Variants in ENOPH1 observed in about 807,000 individuals in gnomAD.
ENOPH1 encodes enolase-phosphatase 1, also known as enolase-phosphatase E1.
A neutral mutation model predicts 31.1 loss-of-function variants in ENOPH1; 14 were observed. The observed-to-expected ratio is 0.45, with a 90% CI of 0.30 to 0.70. The LOEUF is 0.70. Among genes scored for constraint, ENOPH1 ranks in the 30% least tolerant of loss-of-function variants. The probability of loss-of-function intolerance (pLI) is 0.09; values close to 1 mark genes in which losing one functional copy is unlikely to be tolerated. For synonymous variants in ENOPH1, 127 were observed against 123.2 expected, an observed-to-expected ratio of 1.03 and a Z score of -0.21; for missense variants, 243 against 321.5, an observed-to-expected ratio of 0.76 and a Z score of 1.87.
At position 82,436,847 on chromosome 4, in the gene ENOPH1, T is replaced by G. The variant is rs143459687; in HGVS notation, c.84+5934T>G. Reference sequence around the variant, plus strand: ...CTCACCCAGCCACCTGTTAGTTCCCTAAAGCTGGGACTGTCATGTTCATCC... The same window carrying G: ...CTCACCCAGCCACCTGTTAGTTCCCGAAAGCTGGGACTGTCATGTTCATCC... On this transcript the variant is annotated intron_variant, in intron 1 of 5. Coordinates refer to ENST00000273920, the MANE Select transcript of ENOPH1 (RefSeq NM_021204.5). Among the ~76,000 whole-genome samples the G allele has an allele frequency of 2.2e-4, 34 of 152,296 alleles. No homozygotes were observed. The East Asian group carries it at 6.4e-3, about 28-fold the overall frequency.
intron 3 of ENOPH1, among the ~76,000 whole-genome samples, chr4:82,453,540 A>G (rs1036682212): frequency 2.0e-5 from 3 of 152,198 alleles, no homozygotes; most frequent in South Asian, 4.1e-4. Context: ...CATGAGTGCA[A>G]ACTAGTACTC....
At chr4:82,454,575 G>T in intron 3 of ENOPH1, 147 bp from the exon 4 acceptor site, 1 of 752,590 alleles carries the variant, frequency 1.3e-6, no homozygotes, top group Non-Finnish European at 2.1e-6. Flanking sequence ...ATGTTTATTA[G>T]AACTGCAGGA....
chr4:82,447,961 T>C lies in ENOPH1; in HGVS notation c.126T>C (p.Tyr42=). 6.2e-7 allele frequency: 1 copy of C among 1,613,340 alleles called. No homozygotes were observed. Among genetic ancestry groups the C allele is most frequent in the Non-Finnish European group, 8.5e-7 (1 of 1,179,512 alleles). ...ACATCGAAGAAAATGTTAAAGAGTA[T>C]CTGCAGACACATTGGGAAGAAGAGG... ...FPYIEENVKE[Y]LQTHWEEEEC... The change falls in exon 2 of 6, where the codon TAT becomes TAC. Residue 42 remains tyrosine (Y), a synonymous_variant. Transcript: ENST00000273920.
intron 1 of ENOPH1, among the ~76,000 whole-genome samples, chr4:82,438,439 A>C (rs1721962738): frequency 6.6e-6 from 1 of 152,206 alleles, no homozygotes; most frequent in Non-Finnish European, 1.5e-5. Flanking sequence ...AGATTACTTG[A>C]GTCCAGGAGT....
rs530811489 is a variant in ENOPH1, at chr4:82,442,871, C to T, written c.85-5049C>T. 5.9e-5 allele frequency among the ~76,000 whole-genome samples: 9 copies of T among 152,340 alleles called. No individual in the cohort carries two copies. The East Asian group carries it at 1.7e-3, about 30-fold the overall frequency. On this transcript the variant is annotated intron_variant, in intron 1 of 5. Transcript: ENST00000273920. ...ACAGAGTCCTGCTCTATCGCCCAGG[C>T]TGGCGTGCAGTGGCGTGATCTTGGC...
In ENOPH1 at chr4:82,430,598, CTCCTGCCCCG is replaced by C. The variant is rs1221080180; in HGVS notation, c.-225_-216del. 1.9e-6 allele frequency: 1 copy of C among 519,736 alleles called. No individual in the cohort carries two copies. Among genetic ancestry groups the C allele is most frequent in the Non-Finnish European group, 3.4e-6 (1 of 291,492 alleles). 32.2% of individuals were successfully genotyped at this position (519,736 alleles called of 1,614,324 possible). A position where few individuals can be genotyped will look rare whatever the true frequency, so the allele number is the denominator to read the frequency against. On this transcript the variant is annotated 5_prime_UTR_variant, in exon 1 of 6. Transcript: ENST00000273920. The stretch of plus-strand genomic sequence containing the variant: ...CTTTTCCTGCCCACGTGGTCTCGGG[CTCCTGCCCCG>C]TCCTGCTCACGAGTTCAGGGCTCCT...
chr4:82,430,860 A>T lies in ENOPH1; in HGVS notation c.31A>T (p.Thr11Ser). 1 of 1,614,204 alleles carries T rather than the reference A, an allele frequency of 6.2e-7. No individual in the cohort carries two copies. Among genetic ancestry groups the T allele is most frequent in the South Asian group, 1.1e-5 (1 of 91,086 alleles). The change falls in exon 1 of 6, where the codon ACC becomes TCC. Residue 11 changes from threonine to serine, a missense_variant. Thr to Ser is a moderately conservative substitution (Grantham distance 58). Coordinates refer to ENST00000273920, the MANE Select transcript of ENOPH1 (RefSeq NM_021204.5). The part of the protein sequence containing the change: MVVLSVPAEV[T>S]VILLDIEGTT... ...CGTGCTTTCGGTCCCCGCCGAAGTC[A>T]CCGTGATCCTGTTAGATATCGAAGG...
At chr4:82,452,638 G>T (rs1722379395) in intron 3 of ENOPH1, among the ~76,000 whole-genome samples, 1 of 152,114 alleles carries the variant, frequency 6.6e-6, no homozygotes. Context: ...CCAGGATGGA[G>T]TGCATTCACA....
chr4:82,438,712 C>G (rs1231960245), intron 1 of ENOPH1, among the ~76,000 whole-genome samples: 1 of 152,104 alleles, frequency 6.6e-6, no homozygotes, highest in Admixed American at 6.6e-5. Context: ...GCTATAACCC[C>G]TATATTTTAA....
At position 82,460,113 on chromosome 4, in the gene ENOPH1, C is replaced by A. The variant is rs768219181; in HGVS notation, c.779C>A (p.Ser260Ter). The change falls in exon 6 of 6, where the codon TCA becomes TAA. Residue 260 changes from serine to a stop codon, truncating the protein, a stop_gained. Transcript: ENST00000273920. LOFTEE classifies it high-confidence loss of function. Reference sequence around the variant, plus strand: ...TTCAGTGAACTATACCTGCCTTCCTCAACCTAGAGAAGGGTTGTTAAGGCA... The same window carrying A: ...TTCAGTGAACTATACCTGCCTTCCTAAACCTAGAGAAGGGTTGTTAAGGCA... Reference protein sequence around the residue: ...TSFSELYLPSST With the variant: ...TSFSELYLPS 1 of 1,614,212 alleles carries A rather than the reference C, an allele frequency of 6.2e-7. No homozygotes were observed. The highest frequency in any genetic ancestry group is 2.2e-5 in the East Asian group (1 of 44,884).
intron 3 of ENOPH1, among the ~76,000 whole-genome samples, chr4:82,453,739 G>A (rs1722412663): frequency 6.6e-6 from 1 of 152,162 alleles, no homozygotes; most frequent in African/African-American, 2.4e-5. Flanking sequence ...TTTCTCCTGT[G>A]ATGTTAATTT....
intron 1 of ENOPH1, among the ~76,000 whole-genome samples, chr4:82,442,634 T>C (rs1469693270): frequency 6.6e-6 from 1 of 152,208 alleles, no homozygotes; most frequent in Non-Finnish European, 1.5e-5. Context: ...AAAAGAGATA[T>C]GCAAAAAAGT....
At chr4:82,458,148 G>C (rs992731924) in intron 5 of ENOPH1, among the ~76,000 whole-genome samples, 4 of 152,128 alleles carry the variant, frequency 2.6e-5, no homozygotes, top group African/African-American at 9.7e-5. Context: ...TTTTCTCTCT[G>C]GTCCTGTTTT....
At chr4:82,454,456 T>C (rs1029489987) in intron 3 of ENOPH1, among the ~76,000 whole-genome samples, 1 of 152,216 alleles carries the variant, frequency 6.6e-6, no homozygotes, top group African/African-American at 2.4e-5. Context: ...TTTCATCCTT[T>C]TATCTGTAGT....
chr4:82,449,275 G>T (rs979364984), intron 2 of ENOPH1, among the ~76,000 whole-genome samples: 1 of 152,096 alleles, frequency 6.6e-6, no homozygotes, highest in Admixed American at 6.6e-5. Flanking sequence ...GAATGCAAAA[G>T]GTTTTGAGCA....
intron 1 of ENOPH1, among the ~76,000 whole-genome samples, chr4:82,435,862 C>A (rs771633743): frequency 1.4e-4 from 22 of 152,130 alleles, no homozygotes; most frequent in Non-Finnish European, 2.8e-4. Context: ...CGGATTTAGG[C>A]TTTTTCATCC....
intron 1 of ENOPH1, among the ~76,000 whole-genome samples, chr4:82,443,105 G>T (rs146767445): frequency 6.6e-6 from 1 of 151,944 alleles, no homozygotes; most frequent in Non-Finnish European, 1.5e-5. Context: ...GCGCCCGGGC[G>T]TATGTCTCTA....
At position 82,437,831 on chromosome 4, in the gene ENOPH1, G is replaced by T. The variant is rs116364659; in HGVS notation, c.84+6918G>T. On this transcript the variant is annotated intron_variant, in intron 1 of 5. Transcript: ENST00000273920. ...ATGCTGTAACATGCTGGGTGATGGT[G>T]ATATGCATTCCGGAATGGGTGTGGG... Among the ~76,000 whole-genome samples the T allele has an allele frequency of 7.3e-3, 1,108 of 152,282 alleles. 8 individuals carry two copies. The highest frequency in any genetic ancestry group is 0.013 in the Admixed American group (201 of 15,298).
intron 1 of ENOPH1, among the ~76,000 whole-genome samples, chr4:82,435,440 G>A (rs909076294): frequency 1.3e-5 from 2 of 152,116 alleles, no homozygotes; most frequent in Non-Finnish European, 2.9e-5. Flanking sequence ...GGGTCTCACT[G>A]GGTTGTCCAG....
Sources: allele counts gnomAD v4.1 joint callset (sites outside exome capture counted in the v4.1 genomes callset), GRCh38; gene constraint gnomAD v4.1.1; transcripts MANE v1.5; gene names NCBI Gene and HGNC (gene_info 2026-07-23, HGNC 2026-07-21).